Variants in DLC1 observed in about 807,000 individuals in gnomAD.
DLC1 encodes the protein DLC1 Rho GTPase activating protein.
A neutral mutation model predicts 140.3 loss-of-function variants in DLC1; 54 were observed. That is an observed-to-expected ratio of 0.38 (90% confidence interval 0.31 to 0.48). The LOEUF (loss-of-function observed/expected upper bound fraction) is 0.48. DLC1 is among the 20% of genes least tolerant of loss of function. DLC1 has a pLI of 0.96. For missense variants in DLC1, 2,536 were observed against 1,907.0 expected (o/e 1.33, Z -6.14); for synonymous variants, 986 against 728.1 (o/e 1.35, Z -5.70).
intron 5 of DLC1, among the ~76,000 whole-genome samples, chr8:13,188,506 T>C (rs79689255): frequency 0.16 from 23,738 of 148,132 alleles, 2,112 homozygotes; most frequent in South Asian, 0.23. Context: ...AGGGACTTTC[T>C]ATAGTATTGG....
intron 5 of DLC1, chr8:13,276,879 A>T (rs545760120): frequency 1.3e-5 from 2 of 153,074 alleles, no homozygotes; most frequent in African/African-American, 4.8e-5. Flanking sequence ...GAACGTTTGC[A>T]TTTTAGTGAC....
At chr8:13,426,962 G>T (rs928945731) in intron 2 of DLC1, among the ~76,000 whole-genome samples, 3 of 152,080 alleles carry the variant, frequency 2.0e-5, no homozygotes, top group African/African-American at 7.2e-5. Flanking sequence ...CCTATAACTT[G>T]CCGTGCTTAA....
At chr8:13,446,102 A>C (rs1457922874) in intron 2 of DLC1, among the ~76,000 whole-genome samples, 1 of 152,146 alleles carries the variant, frequency 6.6e-6, no homozygotes, top group Non-Finnish European at 1.5e-5. Flanking sequence ...TACGTTTCAG[A>C]AAAATCACAT....
chr8:13,239,800 C>T (rs977112299), intron 5 of DLC1, among the ~76,000 whole-genome samples: 5 of 152,006 alleles, frequency 3.3e-5, no homozygotes, highest in African/African-American at 1.2e-4. Context: ...ATATTGACTC[C>T]GGCAGAATTG....
intron 2 of DLC1, among the ~76,000 whole-genome samples, chr8:13,450,686 A>C (rs1798998044): frequency 6.6e-6 from 1 of 152,246 alleles, no homozygotes. Context: ...TTCATGAATA[A>C]GTCTTGCAAA....
intron 2 of DLC1, among the ~76,000 whole-genome samples, chr8:13,442,627 G>C (rs2116927927): frequency 6.6e-6 from 1 of 152,326 alleles, no homozygotes; most frequent in African/African-American, 2.4e-5. Context: ...CTGGCCATCA[G>C]AGAAATGCAA....
At chr8:13,538,317 A>T (rs1803363552) in intron 1 of DLC1, among the ~76,000 whole-genome samples, 1 of 152,108 alleles carries the variant, frequency 6.6e-6, no homozygotes, top group African/African-American at 2.4e-5. Context: ...TAAATGGGAA[A>T]ACATTTATTT....
intron 1 of DLC1, among the ~76,000 whole-genome samples, chr8:13,502,864 T>C (rs1760381568): frequency 6.6e-6 from 1 of 152,242 alleles, no homozygotes; most frequent in Admixed American, 6.5e-5. Context: ...TTTCAGGATG[T>C]TGGTTTTATG....
intron 5 of DLC1, among the ~76,000 whole-genome samples, chr8:13,256,584 G>A (rs1015450388): frequency 3.9e-5 from 6 of 152,138 alleles, no homozygotes; most frequent in African/African-American, 1.4e-4. Flanking sequence ...GGACATGAAT[G>A]AAGCTGGAAA....
Position 13,499,500 on chromosome 8 carries a change from A to T in DLC1, c.572T>A (p.Leu191Gln), listed in dbSNP as rs1187901231. 3.7e-6 allele frequency: 6 copies of T among 1,614,160 alleles called. No homozygotes were observed. The highest frequency in any genetic ancestry group is 5.1e-6 in the Non-Finnish European group (6 of 1,180,016). Residue 191 changes from leucine to glutamine, a missense_variant, in exon 2 of 18, where the codon CTG (leucine) becomes CAG (glutamine). Physicochemically the swap from Leu to Gln is moderately radical, Grantham distance 113. Coordinates refer to ENST00000276297, the MANE Select transcript of DLC1 (RefSeq NM_182643.3). ...TAAGCTTATTTCATTGCAAAGCTCC[A>T]GGCTTTTACTTATAGAGTCAGTAAC... is the stretch of plus-strand genomic sequence containing the variant. Reference protein sequence around the residue: ...RKVTDSISKSLELCNEISLSE... With the variant: ...RKVTDSISKSQELCNEISLSE...
At position 13,141,553 on chromosome 8, in the gene DLC1, C is replaced by T. The variant is rs144403571; in HGVS notation, c.1349-25896G>A. Among the ~76,000 whole-genome samples, 4 of 152,222 alleles carry T rather than the reference C, an allele frequency of 2.6e-5. 1 individual carries two copies. In the East Asian group the frequency reaches 7.7e-4, roughly 29 times the overall value. On this transcript the variant is annotated intron_variant, in intron 5 of 17. Transcript: ENST00000276297. ...AGGAGACGTTTTGTGCTCATTTGAA[C>T]TGTATGTTGCTCTTTCTTTCTGGTG...
chr8:13,127,736 C>CT (rs1821707771), intron 5 of DLC1, among the ~76,000 whole-genome samples: 1 of 152,192 alleles, frequency 6.6e-6, no homozygotes, highest in South Asian at 2.1e-4. Context: ...GTGTGGAAAA[C>CT]TTTTGTCCCT....
intron 5 of DLC1, among the ~76,000 whole-genome samples, chr8:13,278,118 A>T (rs1831240510): frequency 6.6e-6 from 1 of 152,236 alleles, no homozygotes; most frequent in Non-Finnish European, 1.5e-5. Flanking sequence ...CATGTACTTC[A>T]TGGTAGATAT....
intron 1 of DLC1, among the ~76,000 whole-genome samples, chr8:13,575,316 G>A (rs1275317986): frequency 6.6e-6 from 1 of 152,068 alleles, no homozygotes; most frequent in East Asian, 1.9e-4. Flanking sequence ...AGAGTATGAA[G>A]GTTTATTTAC....
intron 1 of DLC1, among the ~76,000 whole-genome samples, chr8:13,578,654 G>A (rs1158139764): frequency 6.6e-6 from 1 of 152,152 alleles, no homozygotes; most frequent in Non-Finnish European, 1.5e-5. Flanking sequence ...GCAGCTCACA[G>A]AGCTTAGAGA....
chr8:13,412,953 A>G (rs13263608), intron 2 of DLC1, among the ~76,000 whole-genome samples: 14,017 of 147,296 alleles, frequency 0.095, 893 homozygotes, highest in Middle Eastern at 0.18. Flanking sequence ...AAAAAAAAAA[A>G]ATGCCGGTTT....
intron 5 of DLC1, among the ~76,000 whole-genome samples, chr8:13,121,843 C>A (rs151193785): frequency 9.9e-5 from 15 of 152,108 alleles, no homozygotes; most frequent in Non-Finnish European, 1.8e-4. Context: ...GTGAACCACC[C>A]GTGCCTGGCC....
upstream of DLC1, chr8:13,515,557 A>C (rs1345751988): frequency 6.6e-6 from 1 of 152,148 alleles, no homozygotes; most frequent in African/African-American, 2.4e-5. Flanking sequence ...AAACACTTAC[A>C]ACTGCTTCCA....
chr8:13,112,789 C>T (rs1431791049), intron 6 of DLC1, among the ~76,000 whole-genome samples: 1 of 152,120 alleles, frequency 6.6e-6, no homozygotes, highest in African/African-American at 2.4e-5. Context: ...TCAAGTCATC[C>T]TCCCACCTCA....
Sources: allele counts gnomAD v4.1 joint callset (sites outside exome capture counted in the v4.1 genomes callset), GRCh38; gene constraint gnomAD v4.1.1; transcripts MANE v1.5; gene names NCBI Gene and HGNC (gene_info 2026-07-23, HGNC 2026-07-21).